Variants in ANKMY2 observed in about 807,000 individuals in gnomAD.
The protein encoded by ANKMY2 is ankyrin repeat and MYND domain containing 2.
A neutral mutation model predicts 50.4 loss-of-function variants in ANKMY2; 36 were observed. The ratio of observed to expected loss-of-function variants is 0.71; its 90% CI spans 0.55 to 0.94. The LOEUF (loss-of-function observed/expected upper bound fraction) is 0.94. Among genes scored for constraint, ANKMY2 ranks in the 40% least tolerant of loss-of-function variants. ANKMY2 has a pLI of 0.00. For missense variants in ANKMY2, 565 were observed against 524.0 expected, an observed-to-expected ratio of 1.08 and a Z score of -0.76; for synonymous variants, 187 against 178.8, an observed-to-expected ratio of 1.05 and a Z score of -0.36.
rs1445092107 is a variant in ANKMY2 at position 16,610,569 on chromosome 7, T to A, written c.726A>T (p.Lys242Asn). 1.9e-6 allele frequency: 3 copies of A among 1,613,224 alleles called. No homozygotes were observed. Among genetic ancestry groups the A allele is most frequent in the Non-Finnish European group, 2.5e-6 (3 of 1,179,520 alleles). The change falls in exon 6 of 10, where the codon AAA (lysine) becomes AAT (asparagine). Residue 242 changes from lysine to asparagine, a missense_variant. By Grantham distance (94) the Lys-to-Asn change is moderately conservative. Coordinates refer to ENST00000306999, the MANE Select transcript of ANKMY2 (RefSeq NM_020319.3). ...CINFLKDGEN[K>N]LDTLIKSLLK... is the part of the protein sequence containing the mutation. ...AGTACCTTTTGATCAAGGTGTCCAG[T>A]TTATTCTCTCCATCTTTTAAGAAGT...
chr7:16,644,575 C>T (rs530268621), intron 1 of ANKMY2: 2 of 401,320 alleles, frequency 5.0e-6, no homozygotes, highest in South Asian at 1.8e-5. Flanking sequence ...ACAAACATGG[C>T]TATATTATTA....
At chr7:16,602,236 C>A in intron 9 of ANKMY2, 144 bp downstream of exon 9, 1 of 977,702 alleles carries the variant, frequency 1.0e-6, no homozygotes, top group Non-Finnish European at 1.5e-6. Flanking sequence ...AAACGGGACA[C>A]ATTAAAATTT....
intron 1 of ANKMY2, among the ~76,000 whole-genome samples, chr7:16,640,161 T>C (rs1162499041): frequency 6.6e-6 from 1 of 151,978 alleles, no homozygotes; most frequent in Non-Finnish European, 1.5e-5. Context: ...AGCGAGACTC[T>C]GTCTCAAAAA....
chr7:16,602,837 A>C (rs1027418743), intron 8 of ANKMY2, among the ~76,000 whole-genome samples: 4 of 151,320 alleles, frequency 2.6e-5, no homozygotes, highest in African/African-American at 9.7e-5. Context: ...GTATGTGGCA[A>C]CTCCCCCACC....
intron 4 of ANKMY2, among the ~76,000 whole-genome samples, chr7:16,622,082 G>C (rs1281329444): frequency 2.0e-5 from 3 of 151,152 alleles, no homozygotes. Context: ...GGAGGAGGAA[G>C]AAGAGGAATA....
rs529091562 is a variant in ANKMY2 at position 16,605,553 on chromosome 7, A to C, written c.883-704T>G. 2.0e-5 allele frequency among the ~76,000 whole-genome samples: 3 copies of C among 151,982 alleles called. No individual in the cohort carries two copies. In the East Asian group the frequency reaches 5.8e-4, roughly 29 times the overall value. ...GTCTCTGTCACCCGGCTGGAGGTGC[A>C]GTGGCTCGATCTTGGCTCACTGCAA... On this transcript the variant is annotated intron_variant, in intron 7 of 9. Coordinates refer to ENST00000306999, the MANE Select transcript of ANKMY2 (RefSeq NM_020319.3).
intron 7 of ANKMY2, among the ~76,000 whole-genome samples, chr7:16,608,479 C>A (rs531459790): frequency 2.0e-5 from 3 of 152,142 alleles, no homozygotes; most frequent in African/African-American, 7.2e-5. Flanking sequence ...TACAAAGGAG[C>A]ATCTGGAGCC....
intron 2 of ANKMY2, among the ~76,000 whole-genome samples, chr7:16,628,350 G>A (rs992233339): frequency 6.6e-5 from 10 of 152,300 alleles, no homozygotes; most frequent in Non-Finnish European, 1.0e-4. Context: ...TTGTGGAGAC[G>A]AGAATGATAG....
chr7:16,632,208 T>C (rs992836846), intron 2 of ANKMY2, among the ~76,000 whole-genome samples: 5 of 151,464 alleles, frequency 3.3e-5, no homozygotes, highest in Admixed American at 1.3e-4. Flanking sequence ...GGTTTTAAGT[T>C]GATAATTTTT....
chr7:16,620,110 C>T (rs1001117094), intron 4 of ANKMY2, among the ~76,000 whole-genome samples: 4 of 152,048 alleles, frequency 2.6e-5, no homozygotes, highest in African/African-American at 9.7e-5. Flanking sequence ...AATATACAAC[C>T]TACGTAACCC....
Position 16,600,764 on chromosome 7 carries a change from C to T in ANKMY2, c.1323G>A (p.Glu441=). 3 of 1,602,752 alleles carry T rather than the reference C, an allele frequency of 1.9e-6. No individual in the cohort carries two copies. Among genetic ancestry groups the T allele is most frequent in the African/African-American group, 1.3e-5 (1 of 74,588 alleles). The part of the protein sequence containing the change: ...DAPAGPQVSE[E] ...ACACTGGCACTTGCTCTGGCTTTTACTCCTCAGACACCTGTGGCCCTGCAG... is the reference window on the plus strand; with the variant it reads ...ACACTGGCACTTGCTCTGGCTTTTATTCCTCAGACACCTGTGGCCCTGCAG... The change falls in exon 10 of 10, where the codon GAG becomes GAA. Residue 441 remains glutamate (E), a synonymous_variant. Coordinates refer to ENST00000306999, the MANE Select transcript of ANKMY2 (RefSeq NM_020319.3).
chr7:16,612,427 A>T (rs1483914708), intron 5 of ANKMY2, among the ~76,000 whole-genome samples: 8 of 152,240 alleles, frequency 5.3e-5, no homozygotes, highest in African/African-American at 1.9e-4. Context: ...AGTAAGTATA[A>T]TCAGAATCCT....
rs2128341291 is a variant in ANKMY2, at chr7:16,600,502, C to T, written c.*259G>A. On this transcript the variant is annotated 3_prime_UTR_variant, in exon 10 of 10. Coordinates refer to ENST00000306999, the MANE Select transcript of ANKMY2 (RefSeq NM_020319.3). ...GAAACAATTGCTGGAAAGCCAGCCT[C>T]AGAAAGGTAATAGGAATGTTTTTCC... The T allele has an allele frequency of 3.4e-6, 1 of 294,746 alleles. No individual in the cohort carries two copies. Among genetic ancestry groups the T allele is most frequent in the Admixed American group, 5.1e-5 (1 of 19,472 alleles). 18.3% of individuals were successfully genotyped at this position (294,746 alleles called of 1,614,324 possible).
intron 4 of ANKMY2, among the ~76,000 whole-genome samples, chr7:16,617,657 AACTAAACTAG>A (rs1781374559): frequency 1.3e-5 from 2 of 152,194 alleles, no homozygotes; most frequent in South Asian, 4.1e-4. Flanking sequence ...TACTATTGAG[AACTAAACTAG>A]TAACACAGAG....
At chr7:16,624,151 C>T (rs946645621) in intron 4 of ANKMY2, among the ~76,000 whole-genome samples, 2 of 152,094 alleles carry the variant, frequency 1.3e-5, no homozygotes, top group Non-Finnish European at 2.9e-5. Context: ...TCACTATAAC[C>T]AAGACACCTA....
chr7:16,641,890 A>C (rs939572556), intron 1 of ANKMY2, among the ~76,000 whole-genome samples: 1 of 152,226 alleles, frequency 6.6e-6, no homozygotes, highest in Non-Finnish European at 1.5e-5. Context: ...GGTTGCCTGC[A>C]GATGGGGGTG....
At chr7:16,602,074 A>G (rs1781075123) in intron 9 of ANKMY2, among the ~76,000 whole-genome samples, 1 of 152,190 alleles carries the variant, frequency 6.6e-6, no homozygotes, top group African/African-American at 2.4e-5. Flanking sequence ...ATCCTTCATG[A>G]GCAGAATATA....
chr7:16,620,235 G>A (rs1217352874), intron 4 of ANKMY2, among the ~76,000 whole-genome samples: 3 of 152,158 alleles, frequency 2.0e-5, no homozygotes. Context: ...GAGTTCATAT[G>A]AGTGGGTGAA....
Position 16,609,700 on chromosome 7 carries a change from A to T in ANKMY2, c.812T>A (p.Ile271Asn), listed in dbSNP as rs1246925993. The change falls in exon 7 of 10, where the codon ATC becomes AAC. Residue 271 changes from isoleucine to asparagine, a missense_variant. Coordinates refer to ENST00000306999, the MANE Select transcript of ANKMY2 (RefSeq NM_020319.3). ...VYQEKIIRES[I>N]RKFPYCEATL... ...AGCTTCACAGTAAGGAAATTTTCTG[A>T]TACTTTCTCTAATGATCTTTTCTTG... 2 of 1,612,958 alleles carry T rather than the reference A, an allele frequency of 1.2e-6. No individual in the cohort carries two copies. The highest frequency in any genetic ancestry group is 1.7e-6 in the Non-Finnish European group (2 of 1,179,702).
Sources: gnomAD v4.1 joint callset for allele counts (sites outside exome capture counted in the v4.1 genomes callset) on GRCh38, gnomAD v4.1.1 for gene constraint, MANE v1.5 for transcripts, NCBI Gene and HGNC (gene_info 2026-07-23, HGNC 2026-07-21) for gene names.